Variants in NRG1 observed in about 807,000 individuals in gnomAD.
NRG1 encodes the protein pro-neuregulin-1, membrane-bound isoform.
Under a neutral mutation model 63.8 loss-of-function variants are expected in NRG1, and 18 were observed. The observed-to-expected ratio is 0.28, with a 90% CI of 0.19 to 0.42. The LOEUF (loss-of-function observed/expected upper bound fraction) is 0.42, where lower values mean the gene tolerates loss of function less well. Ranked by LOEUF, NRG1 falls within the 10% of genes least tolerant of loss-of-function variation. NRG1 has a pLI of 1.00. For synonymous variants in NRG1, 302 were observed against 301.3 expected, an observed-to-expected ratio of 1.00 and a Z score of -0.02; for missense variants, 762 against 814.7, an observed-to-expected ratio of 0.94 and a Z score of 0.79.
intron 1 of NRG1, among the ~76,000 whole-genome samples, chr8:32,044,465 G>A (rs1450181879): frequency 6.6e-6 from 1 of 151,824 alleles, no homozygotes; most frequent in Non-Finnish European, 1.5e-5. Flanking sequence ...TATAGTTGAT[G>A]TTTTTCTCAC....
rs959539520 is a variant in NRG1 at position 31,640,713 on chromosome 8, G to A, written c.37+1282G>A. On this transcript the variant is annotated intron_variant, in intron 1 of 10. Transcript: ENST00000519301. The surrounding 1 kb of genome is among the most constrained non-coding windows in gnomAD (Gnocchi z 6.3). ...ACCTCAAGAAGGAGGTCAGCCGGGT[G>A]CTGTGCAAGCGGTGCGGTAAGTTCC... 6.3e-7 allele frequency: 1 copy of A among 1,597,126 alleles called. No homozygotes were observed. The highest frequency in any genetic ancestry group is 1.4e-5 in the African/African-American group (1 of 73,982).
chr8:32,390,602 TAAAAAA>T (rs66980062), intron 1 of NRG1, among the ~76,000 whole-genome samples: 6 of 130,654 alleles, frequency 4.6e-5, no homozygotes, highest in African/African-American at 1.7e-4. Flanking sequence ...GACCCTGTCT[TAAAAAA>T]AAAAAAAAAA....
intron 1 of NRG1, among the ~76,000 whole-genome samples, chr8:31,763,610 G>T (rs1203215334): frequency 6.6e-6 from 1 of 152,164 alleles, no homozygotes; most frequent in Non-Finnish European, 1.5e-5. Flanking sequence ...TTTGATTAGG[G>T]ATGCTAGATG....
intron 1 of NRG1, among the ~76,000 whole-genome samples, chr8:32,156,112 A>T (rs1014838212): frequency 1.3e-5 from 2 of 152,124 alleles, no homozygotes; most frequent in Non-Finnish European, 2.9e-5. Context: ...CTGGCCCTTG[A>T]CTGTGTTTCT....
chr8:32,079,712 AT>A (rs1004450088), intron 1 of NRG1, among the ~76,000 whole-genome samples: 158 of 151,908 alleles, frequency 1.0e-3, no homozygotes, highest in Non-Finnish European at 9.6e-4. Flanking sequence ...CATGTACAGA[AT>A]TTTTTTTTCC....
At chr8:32,153,424 G>T (rs79151942) in intron 1 of NRG1, among the ~76,000 whole-genome samples, 4,260 of 152,250 alleles carry the variant, frequency 0.028, 63 homozygotes, top group Middle Eastern at 0.075. Flanking sequence ...TCCCCTTGAG[G>T]AAGAATGAGG....
intron 1 of NRG1, among the ~76,000 whole-genome samples, chr8:31,828,270 G>A (rs1033359680): frequency 6.6e-6 from 1 of 152,132 alleles, no homozygotes; most frequent in African/African-American, 2.4e-5. Context: ...AATAATTGAC[G>A]ATGAGTGACT....
intron 1 of NRG1, among the ~76,000 whole-genome samples, chr8:32,099,233 A>G (rs1048132058): frequency 6.6e-6 from 1 of 152,090 alleles, no homozygotes; most frequent in Admixed American, 6.6e-5. Flanking sequence ...GCAGTTTTCT[A>G]TTGTCTGAGG....
intron 1 of NRG1, among the ~76,000 whole-genome samples, chr8:31,973,533 G>T (rs772101801): frequency 6.6e-6 from 1 of 152,122 alleles, no homozygotes; most frequent in Admixed American, 6.5e-5. Context: ...GTAAATATTC[G>T]TGATTTATTC....
At position 32,495,337 on chromosome 8, in the gene NRG1, C is replaced by G. The variant is rs1220602290; in HGVS notation, c.38-100491C>G. Reference sequence around the variant, plus strand: ...CTGCACATGCTGTCTTGCCTGCCACCATGTAAGACGTGACTTTGTTCCTCT... The same window carrying G: ...CTGCACATGCTGTCTTGCCTGCCACGATGTAAGACGTGACTTTGTTCCTCT... On this transcript the variant is annotated intron_variant, in intron 1 of 10. Transcript: ENST00000519301. Among the ~76,000 whole-genome samples, 4 of 152,328 alleles carry G rather than the reference C, an allele frequency of 2.6e-5. No homozygotes were observed. The South Asian group carries it at 8.3e-4, about 32-fold the overall frequency.
At chr8:31,885,757 T>C (rs1331221194) in intron 1 of NRG1, among the ~76,000 whole-genome samples, 1 of 152,118 alleles carries the variant, frequency 6.6e-6, no homozygotes, top group African/African-American at 2.4e-5. Context: ...CTTATGCAGT[T>C]GTGTTTTGCT....
chr8:32,358,393 C>T (rs942893069), intron 1 of NRG1, among the ~76,000 whole-genome samples: 3 of 120,810 alleles, frequency 2.5e-5, no homozygotes, highest in Non-Finnish European at 5.1e-5. Context: ...AAAAAAAAAC[C>T]ATGGGAGTGG....
At chr8:32,519,548 A>G (rs13282123) in intron 1 of NRG1, among the ~76,000 whole-genome samples, 23,721 of 152,028 alleles carry the variant, frequency 0.16, 2,416 homozygotes, top group Admixed American at 0.3. Flanking sequence ...TCAGAGTTGG[A>G]TAGAAATTTA....
chr8:31,943,582 T>C (rs1802096294), intron 1 of NRG1, among the ~76,000 whole-genome samples: 1 of 150,672 alleles, frequency 6.6e-6, no homozygotes, highest in Admixed American at 6.6e-5. Context: ...CCAAAGGTAT[T>C]GCACGAGGAA....
intron 1 of NRG1, among the ~76,000 whole-genome samples, chr8:31,893,156 A>C (rs150782169): frequency 6.7e-6 from 1 of 150,260 alleles, no homozygotes; most frequent in South Asian, 2.1e-4. Flanking sequence ...TTTGATAAAT[A>C]ATAGTATAAT....
At chr8:31,719,564 C>T (rs951954201) in intron 1 of NRG1, among the ~76,000 whole-genome samples, 2 of 152,148 alleles carry the variant, frequency 1.3e-5, no homozygotes, top group Non-Finnish European at 2.9e-5. Context: ...TCTTAGAACA[C>T]CTCAGTAATG....
chr8:32,216,614 A>G (rs1845254928), intron 1 of NRG1, among the ~76,000 whole-genome samples: 1 of 149,798 alleles, frequency 6.7e-6, no homozygotes, highest in Admixed American at 6.7e-5. Flanking sequence ...TGTCTTTGAT[A>G]TTATTAAATT....
intron 1 of NRG1, among the ~76,000 whole-genome samples, chr8:31,729,983 G>C (rs1813855410): frequency 6.6e-6 from 1 of 152,062 alleles, no homozygotes. Context: ...GAATTCCTAC[G>C]GAGTATAGGG....
At chr8:32,714,643 T>A (rs1253779574) in intron 5 of NRG1, among the ~76,000 whole-genome samples, 1 of 152,222 alleles carries the variant, frequency 6.6e-6, no homozygotes, top group Non-Finnish European at 1.5e-5. Context: ...TATCAGTGAA[T>A]CTTTCAGTTC....
Sources: gnomAD v4.1 joint callset for allele counts (sites outside exome capture counted in the v4.1 genomes callset) on GRCh38, gnomAD v4.1.1 for gene constraint, Gnocchi (gnomAD v3.1) non-coding constraint, MANE v1.5 for transcripts, NCBI Gene and HGNC (gene_info 2026-07-23, HGNC 2026-07-21) for gene names.